Variants in ENPP1 observed in about 807,000 individuals in gnomAD.
The protein encoded by ENPP1 is ectonucleotide pyrophosphatase/phosphodiesterase family member 1.
ENPP1 carries 73 observed loss-of-function variants against 122.8 expected under a neutral mutation model. The ratio of observed to expected loss-of-function variants is 0.59; its 90% confidence interval spans 0.49 to 0.72. The LOEUF (loss-of-function observed/expected upper bound fraction) is 0.72, where lower values mean the gene tolerates loss of function less well. Among genes scored for constraint, ENPP1 ranks in the 30% least tolerant of loss-of-function variants. The pLI, the probability that ENPP1 is intolerant of heterozygous loss-of-function variation, is 0.00. For missense variants in ENPP1, 978 were observed against 1,128.1 expected (o/e 0.87, Z 1.91); for synonymous variants, 367 against 391.6 (o/e 0.94, Z 0.74).
chr6:131,820,807 A>G (rs1781476720), intron 1 of ENPP1, among the ~76,000 whole-genome samples: 3 of 152,198 alleles, frequency 2.0e-5, no homozygotes, highest in Admixed American at 2.0e-4. Context: ...TTATTGGTGA[A>G]TAGTTTTGGA....
intron 1 of ENPP1, among the ~76,000 whole-genome samples, chr6:131,814,073 C>T (rs945083653): frequency 2.0e-5 from 3 of 152,144 alleles, no homozygotes; most frequent in Admixed American, 2.0e-4. Context: ...TTTATTTATT[C>T]TTCCACTCTG....
intron 19 of ENPP1, 87 bp from the exon 20 acceptor site, chr6:131,879,793 T>G: frequency 1.7e-6 from 2 of 1,182,402 alleles, no homozygotes; most frequent in South Asian, 2.5e-5. Context: ...TATAATTAAG[T>G]AGAGGAAAGG....
intron 1 of ENPP1, among the ~76,000 whole-genome samples, chr6:131,829,719 A>G (rs1781587037): frequency 1.3e-5 from 2 of 152,236 alleles, no homozygotes; most frequent in African/African-American, 4.8e-5. Flanking sequence ...AGAGTAACAG[A>G]AGGAAGCCGC....
intron 5 of ENPP1, 104 bp from the exon 6 acceptor site, chr6:131,854,822 G>T: frequency 1.2e-6 from 1 of 807,388 alleles, no homozygotes. Context: ...ACAGACCTTA[G>T]TGGAAAATCT....
chr6:131,878,412 A>T, intron 18 of ENPP1, 130 bp from the exon 19 acceptor site: 1 of 711,272 alleles, frequency 1.4e-6, no homozygotes, highest in South Asian at 1.5e-5. Context: ...AGAAAAAAAA[A>T]TCCACTAATA....
At chr6:131,856,811 A>G (rs1781953163) in intron 6 of ENPP1, among the ~76,000 whole-genome samples, 1 of 150,970 alleles carries the variant, frequency 6.6e-6, no homozygotes, top group South Asian at 2.1e-4. Context: ...GGTATGTGGC[A>G]TTATTTCTGA....
intron 7 of ENPP1, 46 bp from the exon 8 acceptor site, chr6:131,860,341 C>T: frequency 7.1e-7 from 1 of 1,411,210 alleles, no homozygotes; most frequent in Non-Finnish European, 1.0e-6. Context: ...ATGTATTTAA[C>T]ATTAAGTAAA....
In ENPP1 at chr6:131,869,450, C is replaced by T. The variant is rs1258544339; in HGVS notation, c.1366C>T (p.Arg456Ter). 4 of 1,613,082 alleles carry T rather than the reference C, an allele frequency of 2.5e-6. No homozygotes were observed. The highest frequency in any genetic ancestry group is 3.4e-6 in the Non-Finnish European group (4 of 1,179,324). The change falls in exon 13 of 25, where the codon CGA becomes TGA. Residue 456 changes from arginine (R) to a stop codon, truncating the protein, a stop_gained. Coordinates refer to ENST00000647893, the MANE Select transcript of ENPP1 (RefSeq NM_006208.3). LOFTEE classifies it high-confidence loss of function. Reference protein sequence around the residue: ...NIKVIYGPAARLRPSDVPDKY... With the variant: ...NIKVIYGPAA ...TAAAGTTATCTATGGACCTGCAGCTCGATTGAGACCCTCTGATGTCCCAGA... is the reference window on the plus strand; with the variant it reads ...TAAAGTTATCTATGGACCTGCAGCTTGATTGAGACCCTCTGATGTCCCAGA...
At chr6:131,826,088 C>G in intron 1 of ENPP1, 1 of 790,292 alleles carries the variant, frequency 1.3e-6, no homozygotes, top group Non-Finnish European at 2.3e-6. Flanking sequence ...GACTGATATC[C>G]TTCCAGTTCA....
chr6:131,810,953 C>A (rs144237461), intron 1 of ENPP1, among the ~76,000 whole-genome samples: 1 of 152,066 alleles, frequency 6.6e-6, no homozygotes, highest in Non-Finnish European at 1.5e-5. Flanking sequence ...AATGCTTGTG[C>A]CTAGGTACTG....
intron 2 of ENPP1, 132 bp from the exon 3 acceptor site, chr6:131,849,853 CTTACT>C (rs1781858779): frequency 1.5e-6 from 1 of 687,320 alleles, no homozygotes; most frequent in South Asian, 1.7e-5. Context: ...AGATTTTTGC[CTTACT>C]TTATTACCCC....
intron 1 of ENPP1, chr6:131,819,872 C>T (rs943003): frequency 0.63 from 290,367 of 463,358 alleles, 92,657 homozygotes; most frequent in East Asian, 0.82. Context: ...GACCAATTCT[C>T]TGGGGAGAGT....
chr6:131,820,342 G>A (rs1039755879), intron 1 of ENPP1: 3 of 157,244 alleles, frequency 1.9e-5, no homozygotes, highest in African/African-American at 7.2e-5. Flanking sequence ...GGGGATGTGA[G>A]GGCGATCTGG....
intron 20 of ENPP1, 99 bp downstream of exon 20, chr6:131,880,133 T>G: frequency 3.3e-6 from 4 of 1,228,196 alleles, no homozygotes; most frequent in Non-Finnish European, 4.8e-6. Context: ...GGCTTTATAC[T>G]CAGTTCCCGC....
intron 18 of ENPP1, 82 bp downstream of exon 18, chr6:131,877,243 T>C (rs770071760): frequency 7.3e-7 from 1 of 1,360,602 alleles, no homozygotes. Flanking sequence ...AAATACTTAA[T>C]AATCAAATTA....
intron 1 of ENPP1, among the ~76,000 whole-genome samples, chr6:131,835,767 G>A (rs745923447): frequency 5.3e-5 from 8 of 151,882 alleles, no homozygotes; most frequent in Non-Finnish European, 1.2e-4. Context: ...CCCCTCATGT[G>A]TCCATGTGTT....
chr6:131,845,042 G>GTTT (rs1562517918), intron 1 of ENPP1, among the ~76,000 whole-genome samples: 2 of 119,080 alleles, frequency 1.7e-5, no homozygotes, highest in African/African-American at 7.4e-5. Context: ...AATTCTTCAT[G>GTTT]GTTTTTTTTT....
At chr6:131,846,012 T>G (rs1224018448) in intron 1 of ENPP1, among the ~76,000 whole-genome samples, 2 of 152,242 alleles carry the variant, frequency 1.3e-5, no homozygotes, top group Non-Finnish European at 1.5e-5. Flanking sequence ...TTATCCATTT[T>G]ATTTTGAAGT....
At chr6:131,823,368 G>A (rs1781505306) in intron 1 of ENPP1, among the ~76,000 whole-genome samples, 1 of 152,016 alleles carries the variant, frequency 6.6e-6, no homozygotes. Context: ...AATATTATGT[G>A]CATACTTTGT....
Sources: allele counts gnomAD v4.1 joint callset (sites outside exome capture counted in the v4.1 genomes callset), GRCh38; gene constraint gnomAD v4.1.1; transcripts MANE v1.5; gene names NCBI Gene and HGNC (gene_info 2026-07-23, HGNC 2026-07-21).